Variants in TDRD5 observed in about 807,000 individuals in gnomAD.
TDRD5 encodes tudor domain containing 5, also known as tudor domain-containing protein 5.
TDRD5 carries 41 observed loss-of-function variants against 120.6 expected under a neutral mutation model. The observed-to-expected ratio is 0.34, with a 90% CI of 0.26 to 0.44. The LOEUF (loss-of-function observed/expected upper bound fraction) is 0.44, where lower values mean the gene tolerates loss of function less well. Among genes scored for constraint, TDRD5 ranks in the 20% least tolerant of loss-of-function variants. The pLI is 1.00. For missense variants in TDRD5, 1,006 were observed against 1,221.2 expected (o/e 0.82, Z 2.63); for synonymous variants, 430 against 433.7 (o/e 0.99, Z 0.11).
At chr1:179,639,622 A>G (rs151294828) in intron 9 of TDRD5, among the ~76,000 whole-genome samples, 2 of 152,346 alleles carry the variant, frequency 1.3e-5, no homozygotes, top group Admixed American at 1.3e-4. Context: ...AGATCAGAAA[A>G]TGAGTGTGTG....
At chr1:179,619,307 T>C (rs1676723040) in intron 5 of TDRD5, among the ~76,000 whole-genome samples, 1 of 152,228 alleles carries the variant, frequency 6.6e-6, no homozygotes, top group Non-Finnish European at 1.5e-5. Context: ...TGCTTATTAG[T>C]CACATATATT....
At chr1:179,645,962 T>C (rs1678340613) in intron 11 of TDRD5, among the ~76,000 whole-genome samples, 2 of 152,310 alleles carry the variant, frequency 1.3e-5, no homozygotes, top group South Asian at 2.1e-4. Context: ...ATCTTTATAT[T>C]TAGATATGTC....
chr1:179,657,956 T>C (rs144777337), intron 14 of TDRD5, among the ~76,000 whole-genome samples: 90 of 152,302 alleles, frequency 5.9e-4, no homozygotes, highest in Non-Finnish European at 1.1e-3. Context: ...TTGAACTTAC[T>C]CCTCCTGTCT....
Position 179,618,683 on chromosome 1 carries a change from G to T in TDRD5, c.915+1G>T. ...AGAACTAAAACATAAGATAAAATTT[G>T]TAAGTAATTTCTGTTTCTGGGAGAC... On this transcript the variant is annotated splice_donor_variant, in intron 5 of 17. Transcript: ENST00000444136. LOFTEE classifies it high-confidence loss of function. 1 of 1,564,798 alleles carries T rather than the reference G, an allele frequency of 6.4e-7. No homozygotes were observed. Among genetic ancestry groups the T allele is most frequent in the South Asian group, 1.2e-5 (1 of 80,784 alleles).
chr1:179,664,839 G>A (rs1021351147), intron 16 of TDRD5, among the ~76,000 whole-genome samples: 1 of 152,032 alleles, frequency 6.6e-6, no homozygotes, highest in African/African-American at 2.4e-5. Flanking sequence ...GGATCGTATG[G>A]TAATTCTGCT....
chr1:179,671,602 A>G (rs1291273798), intron 17 of TDRD5, among the ~76,000 whole-genome samples: 1 of 117,004 alleles, frequency 8.5e-6, no homozygotes, highest in Admixed American at 9.2e-5. Context: ...TAAAAAATTT[A>G]CTTCAATAGG....
rs141045188 is a variant in TDRD5 at position 179,634,393 on chromosome 1, G to A, written c.1127-64G>A. 5.7e-5 allele frequency: 87 copies of A among 1,516,240 alleles called. 1 individual carries two copies. The African/African-American group carries it at 7.1e-4, about 12-fold the overall frequency. 93.9% of individuals were successfully genotyped at this position (1,516,240 alleles called of 1,614,324 possible). On this transcript the variant is annotated intron_variant, in intron 7 of 17. Coordinates refer to ENST00000444136, the MANE Select transcript of TDRD5 (RefSeq NM_001199085.3). ...GTTGTATAGCTATTTTAACAAATATGCATAGGCTGCTCTATTGGCCATTTG... is the reference window on the plus strand; with the variant it reads ...GTTGTATAGCTATTTTAACAAATATACATAGGCTGCTCTATTGGCCATTTG...
At position 179,651,053 on chromosome 1, in the gene TDRD5, A is replaced by G; in HGVS notation, c.1987A>G (p.Asn663Asp). 6.2e-7 allele frequency: 1 copy of G among 1,614,114 alleles called. No individual in the cohort carries two copies. The highest frequency in any genetic ancestry group is 1.1e-5 in the South Asian group (1 of 91,080). Reference sequence around the variant, plus strand: ...GGGCCATGCTATTGTATGCCGAGAAAATATCTCTTCTAAGGTGGAGCAGTC... The same window carrying G: ...GGGCCATGCTATTGTATGCCGAGAAGATATCTCTTCTAAGGTGGAGCAGTC... Reference protein sequence around the residue: ...TEGHAIVCRENISSKGFSELN... With the variant: ...TEGHAIVCREDISSKGFSELN... The change falls in exon 12 of 18, where the codon AAT becomes GAT. Residue 663 changes from asparagine (N) to aspartate (D), a missense_variant. By Grantham distance (23) the Asn-to-Asp change is conservative. Transcript: ENST00000444136.
intron 7 of TDRD5, among the ~76,000 whole-genome samples, chr1:179,631,850 G>GTTTTT (rs1677464912): frequency 6.3e-5 from 3 of 47,996 alleles, no homozygotes; most frequent in Admixed American, 2.6e-4. Flanking sequence ...TAGGGCACTT[G>GTTTTT]ATTTTTTTTT....
At chr1:179,620,578 T>C (rs1034917841) in intron 5 of TDRD5, among the ~76,000 whole-genome samples, 1 of 152,198 alleles carries the variant, frequency 6.6e-6, no homozygotes, top group African/African-American at 2.4e-5. Context: ...TGTTTTAATA[T>C]TAAATAGATA....
chr1:179,653,173 T>C (rs952556688), intron 13 of TDRD5, among the ~76,000 whole-genome samples: 2 of 152,214 alleles, frequency 1.3e-5, no homozygotes, highest in African/African-American at 4.8e-5. Context: ...CAACAGATAC[T>C]GGGCTAAGAA....
chr1:179,654,323 G>A lies in TDRD5; in HGVS notation c.2283G>A (p.Trp761Ter). ...CNKSFEEDPKWSNPEPNDLKE... is the reference protein window; with the variant it reads ...CNKSFEEDPK ...AGAGCTTTGAAGAAGATCCAAAGTG[G>A]TCCAACCCAGAACCAAACGATCTGA... The change falls in exon 14 of 18, where the codon TGG becomes TGA. Residue 761 changes from tryptophan (W) to a stop codon, truncating the protein, a stop_gained. Coordinates refer to ENST00000444136, the MANE Select transcript of TDRD5 (RefSeq NM_001199085.3). LOFTEE classifies it high-confidence loss of function. The A allele has an allele frequency of 1.3e-6, 2 of 1,547,854 alleles. No homozygotes were observed. The highest frequency in any genetic ancestry group is 8.7e-7 in the Non-Finnish European group (1 of 1,145,782).
In TDRD5 at chr1:179,643,717, G is replaced by A. The variant is rs142523769; in HGVS notation, c.1800+3272G>A. On this transcript the variant is annotated intron_variant, in intron 11 of 17. Transcript: ENST00000444136. The stretch of plus-strand genomic sequence containing the variant: ...TTAAGGAAGTCTATGGCTCAATATC[G>A]GGTACCCCAACAGGTATGTAATTGG... Among the ~76,000 whole-genome samples the A allele has an allele frequency of 7.0e-3, 1,059 of 152,108 alleles. 6 individuals are homozygous for A. The highest frequency in any genetic ancestry group is 0.013 in the Non-Finnish European group (862 of 67,978).
intron 4 of TDRD5, among the ~76,000 whole-genome samples, chr1:179,617,559 G>A: frequency 6.6e-6 from 1 of 152,046 alleles, no homozygotes; most frequent in East Asian, 1.9e-4. Context: ...AGTATTAATA[G>A]TGATTGTGTC....
chr1:179,679,110 A>G (rs1049492694), intron 17 of TDRD5, among the ~76,000 whole-genome samples: 4 of 152,114 alleles, frequency 2.6e-5, no homozygotes, highest in Non-Finnish European at 5.9e-5. Flanking sequence ...TTCTGCGTCT[A>G]TTGAGATGGT....
At chr1:179,637,232 A>G (rs1677810453) in intron 9 of TDRD5, among the ~76,000 whole-genome samples, 1 of 152,236 alleles carries the variant, frequency 6.6e-6, no homozygotes, top group Non-Finnish European at 1.5e-5. Context: ...TGTAAGTCAC[A>G]TAATCACTTG....
intron 17 of TDRD5, among the ~76,000 whole-genome samples, chr1:179,679,224 A>G (rs1314776554): frequency 1.3e-5 from 2 of 152,194 alleles, no homozygotes; most frequent in African/African-American, 2.4e-5. Flanking sequence ...CCTCGTGGTC[A>G]TGATATACTA....
chr1:179,690,833 C>G lies in TDRD5; in HGVS notation c.2998C>G (p.Leu1000Val). The part of the protein sequence containing the change: ...LSYECQISQK[L>V]YIPRSTATAA... Reference sequence around the variant, plus strand: ...TTATGAGTGCCAGATTTCTCAGAAGCTCTACATTCCTCGAAGTACAGCCAC... The same window carrying G: ...TTATGAGTGCCAGATTTCTCAGAAGGTCTACATTCCTCGAAGTACAGCCAC... The change falls in exon 18 of 18, where the codon CTC becomes GTC. Residue 1000 changes from leucine to valine, a missense_variant. Physicochemically the swap from Leu to Val is conservative, Grantham distance 32. Transcript: ENST00000444136. 6.2e-7 allele frequency: 1 copy of G among 1,614,220 alleles called. No individual in the cohort carries two copies. Among genetic ancestry groups the G allele is most frequent in the Non-Finnish European group, 8.5e-7 (1 of 1,180,036 alleles).
At chr1:179,630,105 C>G (rs1053619044) in intron 6 of TDRD5, among the ~76,000 whole-genome samples, 3 of 151,682 alleles carry the variant, frequency 2.0e-5, no homozygotes, top group African/African-American at 7.3e-5. Flanking sequence ...TCATGCCATT[C>G]TCCGGCCTCA....
Sources: allele counts gnomAD v4.1 joint callset (sites outside exome capture counted in the v4.1 genomes callset), GRCh38; gene constraint gnomAD v4.1.1; transcripts MANE v1.5; gene names NCBI Gene and HGNC (gene_info 2026-07-23, HGNC 2026-07-21).